The following PTPRM variants were observed in gnomAD, a reference collection of about 807,000 sequenced individuals.
PTPRM encodes receptor-type tyrosine-protein phosphatase mu.
PTPRM carries 47 observed loss-of-function variants against 186.7 expected under a neutral mutation model. The ratio of observed to expected loss-of-function variants is 0.25; its 90% confidence interval spans 0.20 to 0.32. The LOEUF (loss-of-function observed/expected upper bound fraction) is 0.32. Among genes scored for constraint, PTPRM ranks in the 10% least tolerant of loss-of-function variants. PTPRM has a pLI of 1.00. For missense variants in PTPRM, 1,494 were observed against 1,865.0 expected, an observed-to-expected ratio of 0.80 and a Z score of 3.66; for synonymous variants, 668 against 674.9, an observed-to-expected ratio of 0.99 and a Z score of 0.16.
At chr18:8,304,472 CTGTTTCATCTAGTA>C (rs1275929690) in intron 20 of PTPRM, among the ~76,000 whole-genome samples, 1 of 152,110 alleles carries the variant, frequency 6.6e-6, no homozygotes, top group Non-Finnish European at 1.5e-5. Flanking sequence ...CTGCTTTTCT[CTGTTTCATCTAGTA>C]AAGGCTTTTT....
intron 2 of PTPRM, among the ~76,000 whole-genome samples, chr18:7,861,992 T>C (rs1376119122): frequency 5.9e-5 from 9 of 152,142 alleles, no homozygotes; most frequent in Non-Finnish European, 2.9e-5. Flanking sequence ...ATAATGCACA[T>C]GGTCATAAGG....
chr18:8,396,068 TG>T (rs1225076696), intron 32 of PTPRM, among the ~76,000 whole-genome samples: 2 of 152,168 alleles, frequency 1.3e-5, no homozygotes, highest in African/African-American at 4.8e-5. Flanking sequence ...ACGGATTTCC[TG>T]TGGGTTGTTG....
chr18:7,840,925 T>G (rs2046290390), intron 2 of PTPRM, among the ~76,000 whole-genome samples: 2 of 152,234 alleles, frequency 1.3e-5, no homozygotes, highest in Non-Finnish European at 2.9e-5. Flanking sequence ...CACTTATTTT[T>G]TGTGTGTGTT....
chr18:8,311,415 T>A (rs1201012977), intron 20 of PTPRM, among the ~76,000 whole-genome samples: 4 of 152,036 alleles, frequency 2.6e-5, no homozygotes, highest in Non-Finnish European at 5.9e-5. Flanking sequence ...AAGAGTTCAA[T>A]CCTTGTTGCT....
At chr18:7,827,585 C>A (rs2045551047) in intron 2 of PTPRM, among the ~76,000 whole-genome samples, 1 of 152,154 alleles carries the variant, frequency 6.6e-6, no homozygotes, top group East Asian at 1.9e-4. Flanking sequence ...CTGTGAGAGC[C>A]TTCGCTCCAG....
intron 2 of PTPRM, among the ~76,000 whole-genome samples, chr18:7,827,237 A>G (rs1031130084): frequency 2.0e-5 from 3 of 152,222 alleles, no homozygotes; most frequent in Admixed American, 6.5e-5. Context: ...TGTGTCCCTC[A>G]TCTTAAAAAC....
chr18:8,069,592 G>T, intron 7 of PTPRM, 94 bp from the exon 8 acceptor site: 1 of 1,104,544 alleles, frequency 9.1e-7, no homozygotes, highest in Non-Finnish European at 1.3e-6. Flanking sequence ...ACCAGGTGGT[G>T]GGGACAACTG....
chr18:8,201,098 C>T (rs559192931), intron 14 of PTPRM, among the ~76,000 whole-genome samples: 1 of 152,222 alleles, frequency 6.6e-6, no homozygotes, highest in South Asian at 2.1e-4. Flanking sequence ...GACAGATCAC[C>T]TGAGATCAGG....
intron 31 of PTPRM, among the ~76,000 whole-genome samples, chr18:8,390,869 A>G (rs559091257): frequency 1.3e-5 from 2 of 152,010 alleles, no homozygotes; most frequent in East Asian, 3.9e-4. Context: ...CGGAGCTTGC[A>G]GTGAGTCAAG....
chr18:8,169,727 A>G (rs1005248102), intron 14 of PTPRM, among the ~76,000 whole-genome samples: 14 of 152,154 alleles, frequency 9.2e-5, no homozygotes, highest in African/African-American at 2.4e-4. Flanking sequence ...TGATGAGACT[A>G]TTTTTTAACT....
intron 14 of PTPRM, among the ~76,000 whole-genome samples, chr18:8,201,324 AAAAAG>A (rs1268456194): frequency 1.3e-5 from 2 of 152,220 alleles, no homozygotes; most frequent in Non-Finnish European, 2.9e-5. Context: ...TCCAAAAACA[AAAAAG>A]AAAAGATTTA....
At chr18:7,846,334 T>A (rs1052970913) in intron 2 of PTPRM, among the ~76,000 whole-genome samples, 2 of 152,252 alleles carry the variant, frequency 1.3e-5, no homozygotes, top group Admixed American at 6.5e-5. Flanking sequence ...TAAAGGAAAA[T>A]GTTTATATTA....
At chr18:8,298,889 G>A (rs1272935522) in intron 20 of PTPRM, among the ~76,000 whole-genome samples, 1 of 152,122 alleles carries the variant, frequency 6.6e-6, no homozygotes, top group Non-Finnish European at 1.5e-5. Flanking sequence ...TGAGGTGGGA[G>A]GATTGCTTGA....
intron 14 of PTPRM, among the ~76,000 whole-genome samples, chr18:8,187,668 T>C (rs1406652627): frequency 1.3e-5 from 2 of 152,070 alleles, no homozygotes; most frequent in African/African-American, 4.8e-5. Flanking sequence ...TAGACTAAGT[T>C]GGCAACAGAA....
chr18:7,590,126 G>C (rs1327820688), intron 1 of PTPRM, among the ~76,000 whole-genome samples: 1 of 152,170 alleles, frequency 6.6e-6, no homozygotes, highest in Admixed American at 6.5e-5. Context: ...GTTCTACAGA[G>C]TGGTGGCAAA....
intron 8 of PTPRM, among the ~76,000 whole-genome samples, chr18:8,073,345 A>G (rs1358047131): frequency 1.3e-5 from 2 of 152,246 alleles, no homozygotes; most frequent in African/African-American, 4.8e-5. Context: ...GGTGTGAGAA[A>G]ACTGATGATG....
At chr18:7,750,683 C>T (rs1405509033) in intron 1 of PTPRM, among the ~76,000 whole-genome samples, 2 of 152,170 alleles carry the variant, frequency 1.3e-5, no homozygotes, top group Non-Finnish European at 2.9e-5. Flanking sequence ...CCCCACAAAT[C>T]TGGAAAAAAT....
intron 7 of PTPRM, among the ~76,000 whole-genome samples, chr18:8,032,792 C>G (rs1339900797): frequency 1.3e-5 from 2 of 151,788 alleles, no homozygotes; most frequent in African/African-American, 4.8e-5. Context: ...ACATAGGTAA[C>G]CAGAAATGAG....
chr18:7,785,456 C>T lies in PTPRM; in HGVS notation c.196+11185C>T, dbSNP rs529446877. On this transcript the variant is annotated intron_variant, in intron 2 of 32. Transcript: ENST00000580170. ...TGTGTATGTTGAGAGAGAGAGAGAG[C>T]GCGCATGTGTGCAGATATGGTAAGA... Among the ~76,000 whole-genome samples, 12 of 151,542 alleles carry T rather than the reference C, an allele frequency of 7.9e-5. No homozygotes were observed. The South Asian group carries it at 2.1e-3, about 26-fold the overall frequency.
Sources: allele counts gnomAD v4.1 joint callset (sites outside exome capture counted in the v4.1 genomes callset), GRCh38; gene constraint gnomAD v4.1.1; transcripts MANE v1.5; gene names NCBI Gene and HGNC (gene_info 2026-07-23, HGNC 2026-07-21).